The following IL18RAP variants were observed in gnomAD, a reference collection of about 807,000 sequenced individuals.
IL18RAP encodes interleukin 18 receptor accessory protein, also known as interleukin-18 receptor accessory protein.
In IL18RAP, 37 loss-of-function variants were observed where a neutral mutation model predicts 58.1. The observed-to-expected ratio is 0.64, with a 90% CI of 0.49 to 0.84. IL18RAP has a LOEUF of 0.84. Ranked by LOEUF, IL18RAP falls within the 40% of genes least tolerant of loss-of-function variation. The pLI is 0.00. For synonymous variants in IL18RAP, 268 were observed against 257.5 expected (o/e 1.04, Z -0.39); for missense variants, 667 against 704.8 (o/e 0.95, Z 0.61).
chr2:102,427,220 G>A (rs191800229), intron 3 of IL18RAP, among the ~76,000 whole-genome samples: 23 of 152,198 alleles, frequency 1.5e-4, no homozygotes, highest in East Asian at 3.9e-4. Context: ...GCATAGGAGC[G>A]TAGTTAACCC....
At chr2:102,428,795 G>A (rs1682140053) in intron 3 of IL18RAP, among the ~76,000 whole-genome samples, 1 of 151,836 alleles carries the variant, frequency 6.6e-6, no homozygotes, top group Non-Finnish European at 1.5e-5. Flanking sequence ...TGTTCTTAGA[G>A]GAAAAGATTT....
intron 4 of IL18RAP, chr2:102,438,668 C>G (rs1682907375): frequency 6.6e-6 from 1 of 152,194 alleles, no homozygotes; most frequent in Non-Finnish European, 1.5e-5. Flanking sequence ...CTATTTCAGT[C>G]AAGCCCTCTC....
upstream of IL18RAP, chr2:102,419,879 A>T (rs1681462038): frequency 1.3e-5 from 2 of 152,206 alleles, no homozygotes; most frequent in Non-Finnish European, 2.9e-5. Context: ...TGAGAAAGAC[A>T]GCACCCCGCT....
intron 8 of IL18RAP, among the ~76,000 whole-genome samples, chr2:102,447,943 A>C (rs1209002527): frequency 1.3e-5 from 2 of 152,124 alleles, no homozygotes; most frequent in African/African-American, 4.8e-5. Context: ...CATGTTGGCC[A>C]GGCTGGTCTC....
At chr2:102,420,145 C>T (rs1036098952), upstream of IL18RAP, among the ~76,000 whole-genome samples, 8 of 152,158 alleles carry the variant, frequency 5.3e-5, no homozygotes, top group African/African-American at 1.9e-4. Context: ...ATGAGACTTC[C>T]AGAATGGTCT....
chr2:102,435,215 AGGTTGT>A (rs1682655467), intron 3 of IL18RAP: 1 of 152,218 alleles, frequency 6.6e-6, no homozygotes, highest in Non-Finnish European at 1.5e-5. Flanking sequence ...ATGGAAATAA[AGGTTGT>A]GTGGTTCTCA....
intron 9 of IL18RAP, 131 bp from the exon 10 acceptor site, chr2:102,451,635 A>G (rs1558649794): frequency 1.4e-6 from 1 of 723,330 alleles, no homozygotes; most frequent in East Asian, 2.6e-5. Flanking sequence ...CTGGCAATAG[A>G]GCTGATACAG....
At chr2:102,419,927 A>C (rs988316598), upstream of IL18RAP, 4 of 152,210 alleles carry the variant, frequency 2.6e-5, no homozygotes, top group Non-Finnish European at 4.4e-5. Context: ...ACATTATTTT[A>C]TTCCCATAAG....
intron 7 of IL18RAP, among the ~76,000 whole-genome samples, chr2:102,446,775 C>T (rs1421159501): frequency 1.6e-4 from 23 of 139,666 alleles, no homozygotes; most frequent in Admixed American, 1.0e-3. Context: ...CCAGCCTGGG[C>T]GACATACAGA....
upstream of IL18RAP, among the ~76,000 whole-genome samples, chr2:102,422,503 C>A (rs570295397): frequency 6.6e-6 from 1 of 152,164 alleles, no homozygotes; most frequent in Non-Finnish European, 1.5e-5. Context: ...CCTCCCCACC[C>A]CTCTGCCCTG....
At chr2:102,432,477 T>G (rs1196627913) in intron 3 of IL18RAP, 3 of 154,394 alleles carry the variant, frequency 1.9e-5, no homozygotes, top group African/African-American at 7.2e-5. Context: ...GTTGTTAGAA[T>G]GTGTAGTTGG....
At chr2:102,449,197 G>A (rs1683614977) in intron 8 of IL18RAP, among the ~76,000 whole-genome samples, 3 of 151,992 alleles carry the variant, frequency 2.0e-5, no homozygotes, top group Non-Finnish European at 2.9e-5. Context: ...GAACCTGGGA[G>A]GTGGAGGTTG....
At chr2:102,418,901 C>T (rs1011396426), upstream of IL18RAP, 5 of 152,162 alleles carry the variant, frequency 3.3e-5, no homozygotes, top group African/African-American at 1.2e-4. Context: ...ACTTGAAGTT[C>T]CTTCCTCTTT....
intron 7 of IL18RAP, 74 bp downstream of exon 7, chr2:102,445,414 G>A (rs1179358665): frequency 8.5e-6 from 12 of 1,417,456 alleles, no homozygotes; most frequent in Non-Finnish European, 9.9e-6. Context: ...CTAAAGAATA[G>A]TAATAATGAT....
upstream of IL18RAP, among the ~76,000 whole-genome samples, chr2:102,419,248 T>C (rs1168478673): frequency 2.0e-5 from 3 of 152,336 alleles, no homozygotes; most frequent in Non-Finnish European, 2.9e-5. Context: ...AACTTAACTG[T>C]AACATCTTTG....
chr2:102,423,564 T>C (rs1399495548), intron 1 of IL18RAP, among the ~76,000 whole-genome samples: 3 of 152,160 alleles, frequency 2.0e-5, no homozygotes, highest in Non-Finnish European at 2.9e-5. Context: ...TTCAGTGAGA[T>C]CAGCTGACGA....
intron 7 of IL18RAP, among the ~76,000 whole-genome samples, chr2:102,446,657 C>T (rs916520856): frequency 1.3e-5 from 2 of 152,024 alleles, no homozygotes; most frequent in Admixed American, 6.5e-5. Flanking sequence ...AAAAATTAGC[C>T]GGGCGTGGTG....
intron 3 of IL18RAP, among the ~76,000 whole-genome samples, chr2:102,436,819 G>GTATATATATATATA (rs751056931): frequency 2.7e-5 from 4 of 149,890 alleles, no homozygotes; most frequent in African/African-American, 9.8e-5. Context: ...GTGTGTGTGT[G>GTATATATATATATA]TATATATATA....
chr2:102,418,723 C>T (rs1681393104), upstream of IL18RAP: 1 of 152,342 alleles, frequency 6.6e-6, no homozygotes, highest in Admixed American at 6.5e-5. Context: ...ATAAGGTTTT[C>T]CTTTTTCCTC....
Sources: gnomAD v4.1 joint callset for allele counts (sites outside exome capture counted in the v4.1 genomes callset) on GRCh38, gnomAD v4.1.1 for gene constraint, MANE v1.5 for transcripts, NCBI Gene and HGNC (gene_info 2026-07-23, HGNC 2026-07-21) for gene names.